Variants in BACH1 observed in about 807,000 individuals in gnomAD.
The protein encoded by BACH1 is BTB domain and CNC homolog 1, also known as transcription regulator protein BACH1.
A neutral mutation model predicts 52.9 loss-of-function variants in BACH1; 35 were observed. The observed-to-expected ratio is 0.66, with a 90% CI of 0.51 to 0.88. BACH1 has a LOEUF of 0.88. Among genes scored for constraint, BACH1 ranks in the 40% least tolerant of loss-of-function variants. The probability of loss-of-function intolerance (pLI) is 0.00; values close to 1 mark genes in which losing one functional copy is unlikely to be tolerated. For synonymous variants in BACH1, 321 were observed against 319.6 expected, an observed-to-expected ratio of 1.00 and a Z score of -0.05; for missense variants, 808 against 872.6, an observed-to-expected ratio of 0.93 and a Z score of 0.93.
Position 29,326,130 on chromosome 21 carries a change from T to C in BACH1, c.306T>C (p.Asn102=), listed in dbSNP as rs368753848. ...CTAAACTGATTTTAAGTAAAGAGAATGTGGATGAAGTGTGCAAATGTGTGG... is the reference window on the plus strand; with the variant it reads ...CTAAACTGATTTTAAGTAAAGAGAACGTGGATGAAGTGTGCAAATGTGTGG... The part of the protein sequence containing the change: ...YTAKLILSKE[N]VDEVCKCVEF... Residue 102 remains asparagine (N), a synonymous_variant, in exon 3 of 5, where the codon AAT becomes AAC. Transcript: ENST00000286800. 7.4e-6 allele frequency: 12 copies of C among 1,614,138 alleles called. No individual in the cohort carries two copies. The highest frequency in any genetic ancestry group is 1.0e-5 in the Non-Finnish European group (12 of 1,180,000).
intron 1 of BACH1, among the ~76,000 whole-genome samples, chr21:29,311,570 G>T (rs983314185): frequency 6.6e-6 from 1 of 152,022 alleles, no homozygotes; most frequent in Non-Finnish European, 1.5e-5. Context: ...TTACACCTCA[G>T]TTTATTTATC....
chr21:29,303,680 A>G (rs866548382), intron 1 of BACH1, among the ~76,000 whole-genome samples: 1 of 152,202 alleles, frequency 6.6e-6, no homozygotes. Context: ...ATTTTTACCC[A>G]TAATTGGATT....
chr21:29,331,748 A>G (rs1205039800), intron 4 of BACH1, among the ~76,000 whole-genome samples: 2 of 152,164 alleles, frequency 1.3e-5, no homozygotes, highest in African/African-American at 2.4e-5. Flanking sequence ...ACTAGTTCCT[A>G]CTTTATAGAT....
intron 2 of BACH1, among the ~76,000 whole-genome samples, chr21:29,323,934 G>C (rs755378879): frequency 6.6e-6 from 1 of 152,038 alleles, no homozygotes; most frequent in Non-Finnish European, 1.5e-5. Flanking sequence ...TATCCCCTGC[G>C]AAGGTTTGTG....
downstream of BACH1, among the ~76,000 whole-genome samples, chr21:29,348,044 A>T (rs2089180391): frequency 6.6e-6 from 1 of 152,254 alleles, no homozygotes; most frequent in Non-Finnish European, 1.5e-5. Context: ...TAAAGTCTAA[A>T]GGAACTAAAG....
downstream of BACH1, among the ~76,000 whole-genome samples, chr21:29,349,448 C>T (rs1178932456): frequency 2.6e-5 from 4 of 152,194 alleles, no homozygotes; most frequent in Non-Finnish European, 1.5e-5. Flanking sequence ...CCTGTGGGCG[C>T]TGGGCCTTTC....
At chr21:29,317,717 G>T (rs1274435420) in intron 1 of BACH1, among the ~76,000 whole-genome samples, 3 of 152,292 alleles carry the variant, frequency 2.0e-5, no homozygotes, top group South Asian at 4.2e-4. Flanking sequence ...GTCAAGAGGG[G>T]CTTTAGGGGT....
In BACH1 at chr21:29,321,407, C is replaced by T; in HGVS notation, c.127C>T (p.Gln43Ter). 2.5e-6 allele frequency: 4 copies of T among 1,614,234 alleles called. No homozygotes were observed. The highest frequency in any genetic ancestry group is 3.4e-6 in the Non-Finnish European group (4 of 1,180,054). The change falls in exon 2 of 5, where the codon CAG becomes TAG. Residue 43 changes from glutamine to a stop codon, truncating the protein, a stop_gained. Coordinates refer to ENST00000286800, the MANE Select transcript of BACH1 (RefSeq NM_001186.4). LOFTEE classifies it high-confidence loss of function. ...LCDVTIFVEG[Q>*]RFRAHRSVLA... Reference sequence around the variant, plus strand: ...CGATGTCACCATCTTTGTGGAGGGACAGCGGTTCCGCGCTCACCGGTCCGT... The same window carrying T: ...CGATGTCACCATCTTTGTGGAGGGATAGCGGTTCCGCGCTCACCGGTCCGT...
chr21:29,304,371 C>T (rs1281482284), intron 1 of BACH1, among the ~76,000 whole-genome samples: 7 of 152,084 alleles, frequency 4.6e-5, no homozygotes, highest in South Asian at 4.1e-4. Flanking sequence ...GCAATCCACC[C>T]GCCTTGGCTT....
At chr21:29,320,965 A>G (rs1418099215) in intron 1 of BACH1, among the ~76,000 whole-genome samples, 2 of 152,166 alleles carry the variant, frequency 1.3e-5, no homozygotes, top group Non-Finnish European at 2.9e-5. Flanking sequence ...GTAATGTCTC[A>G]CTTTCAGAGA....
chr21:29,334,107 T>A (rs1043223222), intron 4 of BACH1, among the ~76,000 whole-genome samples: 3 of 151,842 alleles, frequency 2.0e-5, no homozygotes, highest in Admixed American at 6.6e-5. Context: ...TTTTTATTTT[T>A]TTTATTTTTT....
chr21:29,345,246 A>C lies in BACH1; in HGVS notation c.*2413A>C, dbSNP rs1457979408. The C allele has an allele frequency of 6.6e-6, 1 of 152,614 alleles. No homozygotes were observed. Among genetic ancestry groups the C allele is most frequent in the Non-Finnish European group, 1.5e-5 (1 of 68,012 alleles). The allele number at this position is 152,614 out of a possible 1,614,324, so 9.5% of individuals were successfully genotyped here. The stretch of plus-strand genomic sequence containing the variant: ...AGCATTACACATTTATGCCTATTTT[A>C]ACATTAACTTCTAAAGAAGTTTTTT... On this transcript the variant is annotated 3_prime_UTR_variant, in exon 5 of 5. Transcript: ENST00000286800.
chr21:29,350,724 C>T (rs1343326000), downstream of BACH1, among the ~76,000 whole-genome samples: 2 of 152,170 alleles, frequency 1.3e-5, no homozygotes, highest in East Asian at 3.8e-4. Flanking sequence ...TCCATCTCTG[C>T]AGGGATGAGG....
intron 4 of BACH1, among the ~76,000 whole-genome samples, chr21:29,332,462 T>C (rs1319091136): frequency 2.0e-5 from 3 of 152,232 alleles, no homozygotes; most frequent in Non-Finnish European, 4.4e-5. Flanking sequence ...TAATTTGGAC[T>C]CTTTGGCTTC....
intron 1 of BACH1, among the ~76,000 whole-genome samples, chr21:29,315,593 C>T (rs1157107254): frequency 6.6e-6 from 1 of 152,186 alleles, no homozygotes; most frequent in African/African-American, 2.4e-5. Flanking sequence ...TGCACCGTTC[C>T]TGATGTCCAC....
chr21:29,339,709 C>T (rs1488268514), intron 4 of BACH1, among the ~76,000 whole-genome samples: 1 of 150,558 alleles, frequency 6.6e-6, no homozygotes, highest in Non-Finnish European at 1.5e-5. Flanking sequence ...CTCGGCTCAC[C>T]GCAACCTCCG....
chr21:29,337,838 A>G (rs2089062860), intron 4 of BACH1, among the ~76,000 whole-genome samples: 1 of 152,154 alleles, frequency 6.6e-6, no homozygotes, highest in Admixed American at 6.5e-5. Context: ...CTGAGGCAGG[A>G]GAATCGCTTG....
intron 2 of BACH1, among the ~76,000 whole-genome samples, chr21:29,356,466 A>AT (rs1708015208): frequency 6.6e-6 from 1 of 152,172 alleles, no homozygotes; most frequent in African/African-American, 2.4e-5. Context: ...TTATTAGGCA[A>AT]TTTTCTTAAC....
chr21:29,350,560 T>C (rs2089196594), downstream of BACH1, among the ~76,000 whole-genome samples: 1 of 152,208 alleles, frequency 6.6e-6, no homozygotes, highest in Non-Finnish European at 1.5e-5. Flanking sequence ...CTGGGCAGCA[T>C]AGCACCACCT....
Sources: allele counts gnomAD v4.1 joint callset (sites outside exome capture counted in the v4.1 genomes callset), GRCh38; gene constraint gnomAD v4.1.1; transcripts MANE v1.5; gene names NCBI Gene and HGNC (gene_info 2026-07-23, HGNC 2026-07-21).